ISM1: variants seen among roughly 807,000 people sequenced by gnomAD.
ISM1 encodes isthmin-1.
In ISM1, 25 loss-of-function variants were observed where a neutral mutation model predicts 46.3. The ratio of observed to expected loss-of-function variants is 0.54; its 90% CI spans 0.39 to 0.75. ISM1 has a LOEUF of 0.75. Among genes scored for constraint, ISM1 ranks in the 30% least tolerant of loss-of-function variants. ISM1 has a pLI of 0.00. For missense variants in ISM1, 536 were observed against 625.4 expected (o/e 0.86, Z 1.52); for synonymous variants, 255 against 256.7 (o/e 0.99, Z 0.06).
At chr20:13,296,663 G>A (rs1268968718) in intron 5 of ISM1, among the ~76,000 whole-genome samples, 2 of 152,210 alleles carry the variant, frequency 1.3e-5, no homozygotes, top group African/African-American at 4.8e-5. Context: ...GGTTTAGGCT[G>A]AGGGTGGGCC....
At position 13,229,495 on chromosome 20, in the gene ISM1, C is replaced by T. The variant is rs182627908; in HGVS notation, c.138+7581C>T. 1.8e-4 allele frequency among the ~76,000 whole-genome samples: 27 copies of T among 152,328 alleles called. No individual in the cohort carries two copies. The East Asian group carries it at 4.6e-3, about 26-fold the overall frequency. ...TGAGATTCATTTATTTTGTGTGTATCAGTAGATTTCTCTCTTTTATTGCTA... is the reference window on the plus strand; with the variant it reads ...TGAGATTCATTTATTTTGTGTGTATTAGTAGATTTCTCTCTTTTATTGCTA... On this transcript the variant is annotated intron_variant, in intron 1 of 5. Transcript: ENST00000262487.
chr20:13,302,733 C>T (rs2123348405), downstream of ISM1, among the ~76,000 whole-genome samples: 1 of 152,316 alleles, frequency 6.6e-6, no homozygotes, highest in South Asian at 2.1e-4. Flanking sequence ...CTTTTGCCTT[C>T]CCCTGGAAAG....
intron 5 of ISM1, among the ~76,000 whole-genome samples, chr20:13,297,255 T>A (rs2040415966): frequency 6.6e-6 from 1 of 152,106 alleles, no homozygotes; most frequent in South Asian, 2.1e-4. Flanking sequence ...TTTTCCAGGA[T>A]CACAGGGCTT....
chr20:13,279,405 T>C (rs1025155868), intron 2 of ISM1, among the ~76,000 whole-genome samples: 6 of 152,186 alleles, frequency 3.9e-5, no homozygotes, highest in Non-Finnish European at 8.8e-5. Context: ...TCAGGGACTC[T>C]AGTGATGAAT....
At chr20:13,317,999 A>T in the ISM1 span, among the ~76,000 whole-genome samples, 2 of 152,116 alleles carry the variant, frequency 1.3e-5, no homozygotes, top group African/African-American at 4.8e-5. Flanking sequence ...GTCTGCATGA[A>T]AAAACAAGCC....
At chr20:13,244,323 C>G (rs2039767825) in intron 1 of ISM1, 1 of 148,306 alleles carries the variant, frequency 6.7e-6, no homozygotes, top group South Asian at 2.1e-4. Flanking sequence ...AAGATGACCA[C>G]AGCTCACATA....
intron 2 of ISM1, among the ~76,000 whole-genome samples, chr20:13,275,182 C>A (rs1172948812): frequency 1.3e-5 from 2 of 152,102 alleles, no homozygotes; most frequent in East Asian, 1.9e-4. Flanking sequence ...ATATTTATTT[C>A]TTTTCTCCCA....
Position 13,221,871 on chromosome 20 carries a change from G to T in ISM1, c.95G>T (p.Gly32Val). ...TVLRGSGAAD[G>V]PDAAAGNASQ... is the part of the protein sequence containing the mutation. ...CTGCGCGGCTCGGGAGCCGCCGACG[G>T]GCCCGACGCGGCCGCGGGCAACGCC... The change falls in exon 1 of 6, where the codon GGG becomes GTG. Residue 32 changes from glycine (G) to valine (V), a missense_variant. Transcript: ENST00000262487. 7.1e-7 allele frequency: 1 copy of T among 1,414,434 alleles called. No homozygotes were observed. Among genetic ancestry groups the T allele is most frequent in the Non-Finnish European group, 9.2e-7 (1 of 1,089,830 alleles). The allele number at this position is 1,414,434 out of a possible 1,614,324, so 87.6% of individuals were successfully genotyped here.
the ISM1 span, among the ~76,000 whole-genome samples, chr20:13,311,194 C>CA: frequency 5.7e-5 from 7 of 122,136 alleles, no homozygotes; most frequent in African/African-American, 1.3e-4. Context: ...AACTCCATCT[C>CA]AAAAAAATAG....
At chr20:13,228,597 G>A (rs2039554788) in intron 1 of ISM1, among the ~76,000 whole-genome samples, 1 of 151,810 alleles carries the variant, frequency 6.6e-6, no homozygotes, top group Non-Finnish European at 1.5e-5. Flanking sequence ...TTAATGTTCG[G>A]AAATTTTACC....
chr20:13,269,776 C>T (rs1055538111), intron 1 of ISM1, among the ~76,000 whole-genome samples: 1 of 152,166 alleles, frequency 6.6e-6, no homozygotes, highest in Non-Finnish European at 1.5e-5. Flanking sequence ...GTTCTTTGAT[C>T]TGATCTTATT....
chr20:13,241,314 A>G (rs1000234650), intron 1 of ISM1, among the ~76,000 whole-genome samples: 1 of 152,168 alleles, frequency 6.6e-6, no homozygotes, highest in South Asian at 2.1e-4. Flanking sequence ...AAAAGGGGAG[A>G]TATATGAACA....
Position 13,221,280 on chromosome 20 carries a change from C to T in ISM1, c.-497C>T. Among the ~76,000 whole-genome samples, 1 of 148,222 alleles carries T rather than the reference C, an allele frequency of 6.7e-6. No homozygotes were observed. The highest frequency in any genetic ancestry group is 1.5e-5 in the Non-Finnish European group (1 of 66,220). ...CCTCCTCCTTCTCCTTCTCCTCCTC[C>T]TCCTCCCCGCGCTTCTCTGGCGGCC... On this transcript the variant is annotated 5_prime_UTR_variant, in exon 1 of 6. Coordinates refer to ENST00000262487, the MANE Select transcript of ISM1 (RefSeq NM_080826.2).
chr20:13,301,230 C>T (rs1185421518), downstream of ISM1, among the ~76,000 whole-genome samples: 1 of 152,112 alleles, frequency 6.6e-6, no homozygotes, highest in African/African-American at 2.4e-5. Context: ...ACTCTGTCCC[C>T]CAAGCTGGAG....
intron 1 of ISM1, among the ~76,000 whole-genome samples, chr20:13,256,379 GAGTGAGACCCCGTCTCAAAA>G (rs2039928897): frequency 7.6e-6 from 1 of 130,856 alleles, no homozygotes; most frequent in Non-Finnish European, 1.5e-5. Context: ...CTGGGCAACA[GAGTGAGACCCCGTCTCAAAA>G]AAAAAAAAAA....
chr20:13,313,453 G>A, the ISM1 span, among the ~76,000 whole-genome samples: 6 of 152,302 alleles, frequency 3.9e-5, no homozygotes, highest in African/African-American at 7.2e-5. Flanking sequence ...ACACGGAGCC[G>A]TAGTCAATTG....
chr20:13,228,357 A>AT (rs1398614924), intron 1 of ISM1, among the ~76,000 whole-genome samples: 1 of 144,894 alleles, frequency 6.9e-6, no homozygotes. Context: ...GAATTTATTA[A>AT]TTATAAACTC....
the ISM1 span, among the ~76,000 whole-genome samples, chr20:13,325,608 C>T: frequency 9.8e-5 from 15 of 152,296 alleles, no homozygotes; most frequent in South Asian, 2.7e-3. Flanking sequence ...CCCTGTGTTC[C>T]CTTCGGAAGA....
intron 1 of ISM1, among the ~76,000 whole-genome samples, chr20:13,223,162 AAAAATAAAATAAAAT>A (rs1275238008): frequency 3.4e-5 from 5 of 145,988 alleles, no homozygotes; most frequent in Admixed American, 3.4e-4. Context: ...GTCTCAAAAA[AAAAATAAAATAAAAT>A]AAAATAAAAT....
Sources: allele counts gnomAD v4.1 joint callset (sites outside exome capture counted in the v4.1 genomes callset), GRCh38; gene constraint gnomAD v4.1.1; transcripts MANE v1.5; gene names NCBI Gene and HGNC (gene_info 2026-07-23, HGNC 2026-07-21).